Variants in ZFTRAF1 observed in about 807,000 individuals in gnomAD.
The protein encoded by ZFTRAF1 is zinc finger TRAF-type and ring finger containing 1, also known as zinc finger TRAF-type-containing protein 1.
At chr8:144,462,600 A>T in the ZFTRAF1 span, 1 of 129,240 alleles carries the variant, frequency 7.7e-6, no homozygotes, top group Non-Finnish European at 1.7e-5. Flanking sequence ...GCCGGCACGG[A>T]GCCCGCGGGC....
the ZFTRAF1 span, chr8:144,452,119 G>A: frequency 3.1e-5 from 18 of 571,438 alleles, no homozygotes; most frequent in South Asian, 2.0e-4. Context: ...ACAGGTGGGC[G>A]GGGCTGCTGT....
At chr8:144,461,288 T>C in the ZFTRAF1 span, among the ~76,000 whole-genome samples, 5 of 152,150 alleles carry the variant, frequency 3.3e-5, no homozygotes, top group African/African-American at 9.7e-5. Flanking sequence ...CTCCTGTAAG[T>C]GTAAAGAAAG....
the ZFTRAF1 span, chr8:144,457,131 T>C: frequency 0.4 from 59,353 of 149,690 alleles, 13,284 homozygotes; most frequent in South Asian, 0.57. Flanking sequence ...CATCATGTGG[T>C]GACAGCACGG....
chr8:144,453,200 T>C, the ZFTRAF1 span: 140 of 1,546,708 alleles, frequency 9.1e-5, no homozygotes, highest in African/African-American at 1.5e-3. Context: ...CCTGTAAGGC[T>C]AAGCCCCTGA....
At chr8:144,461,213 G>C in the ZFTRAF1 span, among the ~76,000 whole-genome samples, 1 of 152,214 alleles carries the variant, frequency 6.6e-6, no homozygotes, top group Non-Finnish European at 1.5e-5. Flanking sequence ...TACAAAAGTA[G>C]CTCCTCATCC....
the ZFTRAF1 span, among the ~76,000 whole-genome samples, chr8:144,460,909 G>C: frequency 6.6e-6 from 1 of 152,194 alleles, no homozygotes; most frequent in Non-Finnish European, 1.5e-5. Flanking sequence ...TCTTCCGCCT[G>C]GGAGGATCGA....
chr8:144,461,631 G>C, the ZFTRAF1 span, among the ~76,000 whole-genome samples: 1 of 152,178 alleles, frequency 6.6e-6, no homozygotes, highest in African/African-American at 2.4e-5. Context: ...GTTGGATGTG[G>C]GGTTTGGCTG....
the ZFTRAF1 span, chr8:144,450,895 G>A: frequency 9.3e-5 from 56 of 599,456 alleles, 1 homozygote; most frequent in East Asian, 7.7e-4. Flanking sequence ...CCCGGACACC[G>A]GGCTCTGCTT....
chr8:144,461,144 G>A, the ZFTRAF1 span, among the ~76,000 whole-genome samples: 3 of 152,210 alleles, frequency 2.0e-5, no homozygotes, highest in Admixed American at 6.5e-5. Context: ...ACAGCAAGAA[G>A]GACTTGGAGA....
At chr8:144,450,180 G>A in the ZFTRAF1 span, 1 of 565,420 alleles carries the variant, frequency 1.8e-6, no homozygotes, top group Non-Finnish European at 3.2e-6. Flanking sequence ...GGAAGGAGGG[G>A]AGGCAGGGGT....
At chr8:144,453,519 C>T in the ZFTRAF1 span, 28 of 1,417,646 alleles carry the variant, frequency 2.0e-5, no homozygotes, top group African/African-American at 3.5e-4. Flanking sequence ...CTCGCACACA[C>T]CCGCCCATGC....
chr8:144,462,033 A>G, the ZFTRAF1 span, among the ~76,000 whole-genome samples: 1 of 152,172 alleles, frequency 6.6e-6, no homozygotes, highest in Non-Finnish European at 1.5e-5. Context: ...CAGATCGGGA[A>G]GTACCGTGGA....
At chr8:144,462,367 GGCCGCCGCC>G in the ZFTRAF1 span, 64 of 478,702 alleles carry the variant, frequency 1.3e-4, no homozygotes, top group Middle Eastern at 5.3e-4. Flanking sequence ...TCCCGCTGCC[GGCCGCCGCC>G]GCCGCCGCCG....
the ZFTRAF1 span, among the ~76,000 whole-genome samples, chr8:144,458,736 T>C: frequency 2.0e-5 from 3 of 152,100 alleles, no homozygotes; most frequent in Non-Finnish European, 2.9e-5. Flanking sequence ...GAGGGGATCC[T>C]TGTAGCAAGG....
At chr8:144,453,509 C>T in the ZFTRAF1 span, 53 of 1,483,336 alleles carry the variant, frequency 3.6e-5, no homozygotes, top group Non-Finnish European at 4.3e-5. Context: ...CGGGCTCATG[C>T]TCGCACACAC....
chr8:144,461,114 C>G, the ZFTRAF1 span, among the ~76,000 whole-genome samples: 1 of 152,128 alleles, frequency 6.6e-6, no homozygotes, highest in East Asian at 1.9e-4. Flanking sequence ...ACACTGGGGT[C>G]CTCCCGACAA....
At chr8:144,460,014 G>A in the ZFTRAF1 span, among the ~76,000 whole-genome samples, 3 of 152,224 alleles carry the variant, frequency 2.0e-5, no homozygotes, top group Admixed American at 6.5e-5. Context: ...AAGGCAGCAT[G>A]TGGGGGCCCA....
the ZFTRAF1 span, chr8:144,456,814 GA>G: frequency 6.7e-6 from 1 of 149,846 alleles, no homozygotes; most frequent in Non-Finnish European, 1.5e-5. Flanking sequence ...ATGGGGGGAT[GA>G]CATCACCGGG....
chr8:144,452,293 G>A, the ZFTRAF1 span: 2 of 1,514,124 alleles, frequency 1.3e-6, no homozygotes, highest in Non-Finnish European at 1.8e-6. Context: ...GCTGCCCCCA[G>A]ACTCCTGGCT....
Sources: allele counts gnomAD v4.1 joint callset (sites outside exome capture counted in the v4.1 genomes callset), GRCh38; gene constraint gnomAD v4.1.1; transcripts MANE v1.5; gene names NCBI Gene and HGNC (gene_info 2026-07-23, HGNC 2026-07-21).